SLC37A1: variants seen among roughly 807,000 people sequenced by gnomAD.
The protein encoded by SLC37A1 is glucose-6-phosphate exchanger SLC37A1.
In SLC37A1, 49 loss-of-function variants were observed where a neutral mutation model predicts 75.3. That is an observed-to-expected ratio of 0.65 (90% CI 0.52 to 0.83). The LOEUF (loss-of-function observed/expected upper bound fraction) is 0.83, where lower values mean the gene tolerates loss of function less well. Ranked by LOEUF, SLC37A1 falls within the 40% of genes least tolerant of loss-of-function variation. The probability of loss-of-function intolerance (pLI) is 0.00; values close to 1 mark genes in which losing one functional copy is unlikely to be tolerated. For synonymous variants in SLC37A1, 268 were observed against 292.1 expected, an observed-to-expected ratio of 0.92 and a Z score of 0.84; for missense variants, 566 against 695.0, an observed-to-expected ratio of 0.81 and a Z score of 2.09.
intron 1 of SLC37A1, among the ~76,000 whole-genome samples, chr21:42,517,323 G>A (rs1601659356): frequency 6.6e-6 from 1 of 152,326 alleles, no homozygotes; most frequent in East Asian, 1.9e-4. Flanking sequence ...AGGAGGTATT[G>A]GAGTGGGGTG....
chr21:42,553,412 T>G (rs762495717), intron 9 of SLC37A1, among the ~76,000 whole-genome samples: 4 of 152,246 alleles, frequency 2.6e-5, no homozygotes, highest in Non-Finnish European at 4.4e-5. Context: ...ACAATTATTT[T>G]TATACCATTA....
chr21:42,577,014 CA>C lies in SLC37A1; in HGVS notation c.1521+2100del, dbSNP rs1441552397. Among the ~76,000 whole-genome samples the C allele has an allele frequency of 6.6e-5, 10 of 152,280 alleles. No homozygotes were observed. In the South Asian group the frequency reaches 2.1e-3, roughly 32 times the overall value. On this transcript the variant is annotated intron_variant, in intron 18 of 19. Coordinates refer to ENST00000352133, the MANE Select transcript of SLC37A1 (RefSeq NM_001320537.2). ...AAAATAGCTGAGAATTTTCCAGATA[CA>C]TGAAAGACAAACATTCTTAGATTCA...
chr21:42,543,386 G>C (rs372359063), intron 7 of SLC37A1, 50 bp from the exon 8 acceptor site: 1 of 1,612,280 alleles, frequency 6.2e-7, no homozygotes, highest in Non-Finnish European at 8.5e-7. Flanking sequence ...TGCTGGACTC[G>C]TTTCAGCTTC....
Position 42,514,732 on chromosome 21 carries a change from A to C in SLC37A1, c.-179+15A>C, listed in dbSNP as rs1323013796. 6.6e-6 allele frequency: 1 copy of C among 152,232 alleles called. No homozygotes were observed. Among genetic ancestry groups the C allele is most frequent in the African/African-American group, 2.4e-5 (1 of 41,452 alleles). 9.4% of individuals were successfully genotyped at this position (152,232 alleles called of 1,614,324 possible). On this transcript the variant is annotated intron_variant, in intron 1 of 19. Coordinates refer to ENST00000352133, the MANE Select transcript of SLC37A1 (RefSeq NM_001320537.2). This position sits in a 1 kb window ranked among gnomAD's most constrained non-coding sequence, Gnocchi z 4.8. ...TGACCGAGAAGGTACGTTCAGTCTA[A>C]GGATTTGCATTTGAACGAAGGATAC...
At chr21:42,542,221 C>T (rs17115055) in intron 6 of SLC37A1, among the ~76,000 whole-genome samples, 183 bp from the exon 7 acceptor site, 8,087 of 152,122 alleles carry the variant, frequency 0.053, 711 homozygotes, top group African/African-American at 0.18. Context: ...ATATAGATAC[C>T]TGTATACATG....
rs969871759 is a variant in SLC37A1 at position 42,545,603 on chromosome 21, C to G, written c.731-1500C>G. ...TCTGAGTCTCCTTTCTGAAGCTGTTCTCAAATGTGTCCCAGCCAAGGGACG... is the reference window on the plus strand; with the variant it reads ...TCTGAGTCTCCTTTCTGAAGCTGTTGTCAAATGTGTCCCAGCCAAGGGACG... On this transcript the variant is annotated intron_variant, in intron 8 of 19. Coordinates refer to ENST00000352133, the MANE Select transcript of SLC37A1 (RefSeq NM_001320537.2). The surrounding 1 kb of genome is among the most constrained non-coding windows in gnomAD (Gnocchi z 4.0). Among the ~76,000 whole-genome samples, 1 of 152,202 alleles carries G rather than the reference C, an allele frequency of 6.6e-6. No homozygotes were observed. The highest frequency in any genetic ancestry group is 1.5e-5 in the Non-Finnish European group (1 of 68,040).
At chr21:42,525,090 C>T (rs117823467) in intron 2 of SLC37A1, among the ~76,000 whole-genome samples, 7,825 of 152,268 alleles carry the variant, frequency 0.051, 288 homozygotes, top group Middle Eastern at 0.13. Context: ...CTGCTGAGCA[C>T]GGGGAGGTTC....
chr21:42,554,553 G>A (rs1010530422), intron 10 of SLC37A1, among the ~76,000 whole-genome samples: 3 of 152,208 alleles, frequency 2.0e-5, no homozygotes, highest in African/African-American at 7.2e-5. Flanking sequence ...AGGGACTGGA[G>A]GGAGAGTCTG....
chr21:42,542,395 C>T lies in SLC37A1; in HGVS notation c.487-9C>T, dbSNP rs1364385716. On this transcript the variant is annotated splice_polypyrimidine_tract_variant and intron_variant, in intron 6 of 19. Transcript: ENST00000352133. ...CACAGGTCAGTCTCTCCTTTGGCCTCTCCTGCAGGTCATCAACGGGCTGGT... is the reference window on the plus strand; with the variant it reads ...CACAGGTCAGTCTCTCCTTTGGCCTTTCCTGCAGGTCATCAACGGGCTGGT... 1.2e-6 allele frequency: 2 copies of T among 1,613,442 alleles called. No individual in the cohort carries two copies. Among genetic ancestry groups the T allele is most frequent in the African/African-American group, 2.7e-5 (2 of 74,934 alleles).
chr21:42,558,996 G>A lies in SLC37A1; in HGVS notation c.888G>A (p.Lys296=), dbSNP rs113044143. 3 of 1,613,806 alleles carry A rather than the reference G, an allele frequency of 1.9e-6. No homozygotes were observed. Among genetic ancestry groups the A allele is most frequent in the African/African-American group, 1.3e-5 (1 of 75,010 alleles). The change falls in exon 11 of 20, where the codon AAG becomes AAA. Residue 296 remains lysine, a synonymous_variant. Coordinates refer to ENST00000352133, the MANE Select transcript of SLC37A1 (RefSeq NM_001320537.2). ...EMQCLLLSDG[K]GSIHPNHVVI... Reference sequence around the variant, plus strand: ...AGTGCCTGCTGCTCTCAGATGGGAAGGGCTCCATCCACCCGAACCACGTCG... The same window carrying A: ...AGTGCCTGCTGCTCTCAGATGGGAAAGGCTCCATCCACCCGAACCACGTCG...
chr21:42,559,106 A>G lies in SLC37A1; in HGVS notation c.981+17A>G, dbSNP rs1198672778. On this transcript the variant is annotated intron_variant, in intron 11 of 19. Coordinates refer to ENST00000352133, the MANE Select transcript of SLC37A1 (RefSeq NM_001320537.2). Reference sequence around the variant, plus strand: ...AAAATTCCAGTAAGTAAACGTGCCCAGGAGGAGTTTCAGAAAGGGCTGCTG... The same window carrying G: ...AAAATTCCAGTAAGTAAACGTGCCCGGGAGGAGTTTCAGAAAGGGCTGCTG... The G allele has an allele frequency of 6.2e-7, 1 of 1,604,310 alleles. No individual in the cohort carries two copies. Among genetic ancestry groups the G allele is most frequent in the Non-Finnish European group, 8.5e-7 (1 of 1,174,528 alleles).
chr21:42,579,463 C>T (rs1296381755), intron 18 of SLC37A1, among the ~76,000 whole-genome samples: 1 of 98,596 alleles, frequency 1.0e-5, no homozygotes, highest in Non-Finnish European at 2.3e-5. Context: ...CTGCATCTCT[C>T]CCAAAAGCCT....
chr21:42,530,654 A>ACACACCC lies in SLC37A1; in HGVS notation c.139-4043_139-4042insACACCCC, dbSNP rs1161313598. 2.9e-3 allele frequency among the ~76,000 whole-genome samples: 103 copies of ACACACCC among 35,884 alleles called. 4 individuals are homozygous for ACACACCC. The highest frequency in any genetic ancestry group is 6.9e-3 in the Admixed American group (19 of 2,762). The allele number at this position is 35,884 out of a possible 152,430, so 23.5% of individuals were successfully genotyped here. On this transcript the variant is annotated intron_variant, in intron 3 of 19. Coordinates refer to ENST00000352133, the MANE Select transcript of SLC37A1 (RefSeq NM_001320537.2). ...CACACACACACACACACACACACAC[A>ACACACCC]CCCCCTCTGTGTTGGCTGAAGGTGG...
intron 19 of SLC37A1, among the ~76,000 whole-genome samples, 198 bp from the exon 20 acceptor site, chr21:42,580,147 C>A (rs1046881098): frequency 2.0e-5 from 3 of 151,844 alleles, no homozygotes; most frequent in Admixed American, 6.6e-5. Flanking sequence ...CTTCTCACTT[C>A]TTCCTGGCCC....
chr21:42,556,847 A>G (rs2055703869), intron 10 of SLC37A1, among the ~76,000 whole-genome samples: 1 of 152,158 alleles, frequency 6.6e-6, no homozygotes, highest in Non-Finnish European at 1.5e-5. Flanking sequence ...AGGAGCAAAC[A>G]ACTCAGGTAT....
intron 17 of SLC37A1, among the ~76,000 whole-genome samples, chr21:42,572,978 T>C (rs186740025): frequency 5.9e-4 from 90 of 152,304 alleles, no homozygotes; most frequent in African/African-American, 2.1e-3. Flanking sequence ...AGTGGGACCC[T>C]GCGGAACCTG....
At chr21:42,522,252 G>A (rs528424463) in intron 2 of SLC37A1, among the ~76,000 whole-genome samples, 8 of 152,320 alleles carry the variant, frequency 5.3e-5, no homozygotes, top group Non-Finnish European at 7.3e-5. Context: ...TATGGGGGAT[G>A]ATATTCAACC....
Position 42,548,828 on chromosome 21 carries a change from C to T in SLC37A1, c.768+1688C>T, listed in dbSNP as rs2055487945. 6.6e-6 allele frequency among the ~76,000 whole-genome samples: 1 copy of T among 152,220 alleles called. No individual in the cohort carries two copies. The highest frequency in any genetic ancestry group is 1.5e-5 in the Non-Finnish European group (1 of 68,044). On this transcript the variant is annotated intron_variant, in intron 9 of 19. Transcript: ENST00000352133. This position sits in a 1 kb window ranked among gnomAD's most constrained non-coding sequence, Gnocchi z 5.6. ...TGCGAGCCCCTCGGGCCTGGATCATCACTGGGTCCCGGCACCTGGGGCAGC... is the reference window on the plus strand; with the variant it reads ...TGCGAGCCCCTCGGGCCTGGATCATTACTGGGTCCCGGCACCTGGGGCAGC...
chr21:42,543,289 C>A, intron 7 of SLC37A1, 147 bp from the exon 8 acceptor site: 1 of 896,496 alleles, frequency 1.1e-6, no homozygotes, highest in South Asian at 1.4e-5. Flanking sequence ...CATCGCGAGT[C>A]CTGCATGGCA....
Sources: gnomAD v4.1 joint callset for allele counts (sites outside exome capture counted in the v4.1 genomes callset) on GRCh38, gnomAD v4.1.1 for gene constraint, Gnocchi (gnomAD v3.1) non-coding constraint, MANE v1.5 for transcripts, NCBI Gene and HGNC (gene_info 2026-07-23, HGNC 2026-07-21) for gene names.